The following ATF6 variants were observed in gnomAD, a reference collection of about 807,000 sequenced individuals.
The protein encoded by ATF6 is activating transcription factor 6.
Under a neutral mutation model 83.6 loss-of-function variants are expected in ATF6, and 53 were observed. The observed-to-expected ratio is 0.63, with a 90% CI of 0.51 to 0.80. ATF6 has a LOEUF of 0.80. Among genes scored for constraint, ATF6 ranks in the 30% least tolerant of loss-of-function variants. The probability of loss-of-function intolerance (pLI) is 0.00; values close to 1 mark genes in which losing one functional copy is unlikely to be tolerated. For missense variants in ATF6, 744 were observed against 797.9 expected (o/e 0.93, Z 0.81); for synonymous variants, 288 against 285.8 (o/e 1.01, Z -0.08).
rs1689085137 is a variant in ATF6, at chr1:161,960,912, C to T, written c.*2258C>T. 1 of 152,226 alleles carries T rather than the reference C, an allele frequency of 6.6e-6. No homozygotes were observed. The highest frequency in any genetic ancestry group is 2.1e-4 in the South Asian group (1 of 4,824). The allele number at this position is 152,226 out of a possible 1,614,324, so 9.4% of individuals were successfully genotyped here. On this transcript the variant is annotated 3_prime_UTR_variant, in exon 16 of 16. Coordinates refer to ENST00000367942, the MANE Select transcript of ATF6 (RefSeq NM_007348.4). Reference sequence around the variant, plus strand: ...GGCTAGTAGACAGTGGCAACATAGTCATCCCCAAGATGCTAATCTTCTGCT... The same window carrying T: ...GGCTAGTAGACAGTGGCAACATAGTTATCCCCAAGATGCTAATCTTCTGCT...
rs147153714 is a variant in ATF6 at position 161,958,498 on chromosome 1, G to A, written c.1857G>A (p.Gln619=). 12 of 1,613,508 alleles carry A rather than the reference G, an allele frequency of 7.4e-6. No homozygotes were observed. Among genetic ancestry groups the A allele is most frequent in the African/African-American group, 1.3e-5 (1 of 75,034 alleles). ...AAGTGATGATGCAGATTGACTGTCA[G>A]GTGATGGACACCAGGATCCTCCATA... ...DYEVMMQIDC[Q]VMDTRILHIK... is the part of the protein sequence containing the mutation. The change falls in exon 16 of 16, where the codon CAG becomes CAA. Residue 619 remains glutamine, a synonymous_variant. Coordinates refer to ENST00000367942, the MANE Select transcript of ATF6 (RefSeq NM_007348.4).
At chr1:161,871,030 G>T (rs16857524) in intron 14 of ATF6, among the ~76,000 whole-genome samples, 21,489 of 151,610 alleles carry the variant, frequency 0.14, 2,089 homozygotes, top group East Asian at 0.32. Context: ...TCTTTTACAA[G>T]ATCTATTGCA....
chr1:161,832,190 A>G (rs920695206), intron 9 of ATF6, among the ~76,000 whole-genome samples: 21 of 152,316 alleles, frequency 1.4e-4, no homozygotes, highest in Non-Finnish European at 2.2e-4. Context: ...AAAGACTACC[A>G]GAATTGGCCA....
chr1:161,863,184 T>G lies in ATF6; in HGVS notation c.1605-14T>G. ...TTTTTATTTTAGTAATACCTTATAT[T>G]TTTCTTACTTTAGCAGGAACTCAGG... On this transcript the variant is annotated splice_polypyrimidine_tract_variant and intron_variant, in intron 13 of 15. Transcript: ENST00000367942. 6.8e-7 allele frequency: 1 copy of G among 1,478,466 alleles called. No individual in the cohort carries two copies. The allele number at this position is 1,478,466 out of a possible 1,614,324, so 91.6% of individuals were successfully genotyped here. A position where few individuals can be genotyped will look rare whatever the true frequency, so the allele number is the denominator to read the frequency against.
At chr1:161,881,876 T>C (rs1687332479) in intron 14 of ATF6, among the ~76,000 whole-genome samples, 1 of 152,162 alleles carries the variant, frequency 6.6e-6, no homozygotes, top group South Asian at 2.1e-4. Flanking sequence ...TATTTTCTCA[T>C]ATTTTTTTTC....
intron 10 of ATF6, among the ~76,000 whole-genome samples, chr1:161,850,516 C>G (rs1429606226): frequency 1.3e-5 from 2 of 152,130 alleles, no homozygotes; most frequent in Non-Finnish European, 2.9e-5. Context: ...TTGTTTGTTT[C>G]TTTCATAGCA....
At chr1:161,917,084 C>A (rs1688115921) in intron 15 of ATF6, among the ~76,000 whole-genome samples, 1 of 152,162 alleles carries the variant, frequency 6.6e-6, no homozygotes, top group Non-Finnish European at 1.5e-5. Context: ...ATCCCCAGCC[C>A]CTGGAACAGT....
rs1170400142 is a variant in ATF6, at chr1:161,809,094, T to C, written c.909+6822T>C. Among the ~76,000 whole-genome samples the C allele has an allele frequency of 4.6e-5, 7 of 152,356 alleles. No homozygotes were observed. The South Asian group carries it at 1.2e-3, about 27-fold the overall frequency. The stretch of plus-strand genomic sequence containing the variant: ...AGTTCTAGGGTACATGTGCACAACG[T>C]GCAGGTTTGTTACATATGTATATAT... On this transcript the variant is annotated intron_variant, in intron 7 of 15. Transcript: ENST00000367942.
Position 161,962,371 on chromosome 1 carries a change from G to T in ATF6, c.*3717G>T, listed in dbSNP as rs1321655605. On this transcript the variant is annotated 3_prime_UTR_variant, in exon 16 of 16. Coordinates refer to ENST00000367942, the MANE Select transcript of ATF6 (RefSeq NM_007348.4). ...CTTCCTCCCCTGTGTGTATTCCCCG[G>T]TAGTCACCGCAGCGAGATGCTGGTG... 6.6e-6 allele frequency: 1 copy of T among 152,106 alleles called. No homozygotes were observed. The highest frequency in any genetic ancestry group is 1.5e-5 in the Non-Finnish European group (1 of 68,024). The allele number at this position is 152,106 out of a possible 1,614,324, so 9.4% of individuals were successfully genotyped here.
chr1:161,857,731 G>T (rs1015153436), intron 12 of ATF6, among the ~76,000 whole-genome samples: 1 of 151,660 alleles, frequency 6.6e-6, no homozygotes, highest in African/African-American at 2.4e-5. Context: ...AAAGACTATT[G>T]TCTTTTTAAA....
rs533384630 is a variant in ATF6 at position 161,808,001 on chromosome 1, T to G, written c.909+5729T>G. Among the ~76,000 whole-genome samples the G allele has an allele frequency of 1.8e-4, 26 of 147,516 alleles. No individual in the cohort carries two copies. The East Asian group carries it at 5.2e-3, about 30-fold the overall frequency. The stretch of plus-strand genomic sequence containing the variant: ...TTCAAGCGATTCTCCTGCCTCAGCC[T>G]CCTGAGTAGCTGGGACTACAGCTAT... On this transcript the variant is annotated intron_variant, in intron 7 of 15. Transcript: ENST00000367942.
chr1:161,788,666 G>C (rs144882362), intron 4 of ATF6, among the ~76,000 whole-genome samples: 5 of 151,720 alleles, frequency 3.3e-5, no homozygotes, highest in African/African-American at 9.7e-5. Flanking sequence ...TAACCATATG[G>C]TTTACCTTTC....
chr1:161,778,405 G>T, intron 2 of ATF6, 85 bp downstream of exon 2: 3 of 1,065,220 alleles, frequency 2.8e-6, no homozygotes, highest in Non-Finnish European at 4.2e-6. Context: ...ACAGGTTCAG[G>T]CTAGTAATTT....
chr1:161,811,758 A>C (rs58581127), intron 7 of ATF6, among the ~76,000 whole-genome samples: 1 of 137,340 alleles, frequency 7.3e-6, no homozygotes, highest in Non-Finnish European at 1.7e-5. Flanking sequence ...CCACCATCCA[A>C]CCATCCATCC....
intron 14 of ATF6, among the ~76,000 whole-genome samples, chr1:161,866,705 C>T (rs578215084): frequency 2.6e-5 from 4 of 152,234 alleles, no homozygotes; most frequent in Admixed American, 6.5e-5. Context: ...ATAACTGATA[C>T]ATTAATAAGA....
rs533030569 is a variant in ATF6 at position 161,818,063 on chromosome 1, C to T, written c.910-1570C>T. Among the ~76,000 whole-genome samples the T allele has an allele frequency of 2.3e-4, 34 of 147,104 alleles. 1 individual carries two copies. The South Asian group carries it at 6.6e-3, about 29-fold the overall frequency. On this transcript the variant is annotated intron_variant, in intron 7 of 15. Coordinates refer to ENST00000367942, the MANE Select transcript of ATF6 (RefSeq NM_007348.4). ...TTGCAGCGGGCCGAGATCTCCCCAC[C>T]GTACTCCAGCCTGGGCAACAGAGCA... is the stretch of plus-strand genomic sequence containing the variant.
chr1:161,773,705 A>G (rs1417813841), intron 1 of ATF6, among the ~76,000 whole-genome samples: 1 of 152,238 alleles, frequency 6.6e-6, no homozygotes, highest in East Asian at 1.9e-4. Context: ...TTTGTTGAGT[A>G]CACTAAAAAT....
intron 9 of ATF6, among the ~76,000 whole-genome samples, chr1:161,834,048 A>C (rs1429685042): frequency 6.6e-6 from 1 of 152,262 alleles, no homozygotes; most frequent in East Asian, 1.9e-4. Context: ...TCAGACTAAC[A>C]GCTGATCTCT....
At chr1:161,825,664 C>T (rs141343275) in intron 9 of ATF6, among the ~76,000 whole-genome samples, 1 of 152,304 alleles carries the variant, frequency 6.6e-6, no homozygotes, top group East Asian at 1.9e-4. Context: ...TTCATGCCCT[C>T]TCCAGGTGCA....
Sources: allele counts gnomAD v4.1 joint callset (sites outside exome capture counted in the v4.1 genomes callset), GRCh38; gene constraint gnomAD v4.1.1; transcripts MANE v1.5; gene names NCBI Gene and HGNC (gene_info 2026-07-23, HGNC 2026-07-21).